GNAO1: variants seen among roughly 807,000 people sequenced by gnomAD.
The protein encoded by GNAO1 is guanine nucleotide-binding protein G(o) subunit alpha.
For synonymous variants in GNAO1, 164 were observed against 180.7 expected (o/e 0.91, Z 0.74); for missense variants, 166 against 478.7 (o/e 0.35, Z 6.10).
intron 2 of GNAO1, among the ~76,000 whole-genome samples, chr16:56,268,446 G>T (rs1402800577): frequency 6.6e-6 from 1 of 152,210 alleles, no homozygotes; most frequent in Non-Finnish European, 1.5e-5. Context: ...ACCCAAATGT[G>T]TCACTCCAGG....
intron 2 of GNAO1, among the ~76,000 whole-genome samples, chr16:56,214,266 C>T (rs2036419446): frequency 6.6e-6 from 1 of 152,134 alleles, no homozygotes; most frequent in African/African-American, 2.4e-5. Flanking sequence ...TCAGCATTAC[C>T]AGACCATGAG....
chr16:56,279,778 A>G (rs1271238367), intron 3 of GNAO1, among the ~76,000 whole-genome samples: 9 of 152,220 alleles, frequency 5.9e-5, no homozygotes, highest in African/African-American at 2.2e-4. Flanking sequence ...CCTTCCCTCC[A>G]GAACAGGGGA....
At chr16:56,298,544 A>C (rs2037310041) in intron 3 of GNAO1, among the ~76,000 whole-genome samples, 1 of 152,202 alleles carries the variant, frequency 6.6e-6, no homozygotes, top group Admixed American at 6.5e-5. Context: ...AAGAATCCAA[A>C]ACATAGCCCA....
At chr16:56,338,883 C>T (rs1234671586) in intron 6 of GNAO1, among the ~76,000 whole-genome samples, 1 of 152,260 alleles carries the variant, frequency 6.6e-6, no homozygotes, top group Non-Finnish European at 1.5e-5. Context: ...GCCCTCCGGT[C>T]TTCTCCACCT....
In GNAO1 at chr16:56,354,794, T is replaced by G; in HGVS notation, c.878-72T>G. On this transcript the variant is annotated intron_variant, in intron 7 of 8. Coordinates refer to ENST00000262493, the MANE Select transcript of GNAO1 (RefSeq NM_020988.3). This position sits in a 1 kb window ranked among gnomAD's most constrained non-coding sequence, Gnocchi z 4.3. ...GACACGCCACAACCCACTTCTTGTC[T>G]TCATGTCCCCAGCCCTGTCCACCCA... is the stretch of plus-strand genomic sequence containing the variant. 1 of 922,148 alleles carries G rather than the reference T, an allele frequency of 1.1e-6. No homozygotes were observed. The highest frequency in any genetic ancestry group is 1.7e-6 in the Non-Finnish European group (1 of 577,642). 57.1% of individuals were successfully genotyped at this position (922,148 alleles called of 1,614,324 possible).
At chr16:56,262,369 A>AAAGGACAATG (rs1264125723) in intron 2 of GNAO1, among the ~76,000 whole-genome samples, 2 of 152,228 alleles carry the variant, frequency 1.3e-5, no homozygotes, top group Admixed American at 6.5e-5. Context: ...CTGGTGTCAG[A>AAAGGACAATG]AAGGACAATG....
At chr16:56,318,728 A>T (rs1226567269) in intron 3 of GNAO1, among the ~76,000 whole-genome samples, 1 of 152,248 alleles carries the variant, frequency 6.6e-6, no homozygotes, top group Non-Finnish European at 1.5e-5. Flanking sequence ...ATTGTTATCA[A>T]GATTATCATG....
chr16:56,246,366 G>A (rs1170964305), intron 2 of GNAO1, among the ~76,000 whole-genome samples: 2 of 152,114 alleles, frequency 1.3e-5, no homozygotes, highest in Non-Finnish European at 2.9e-5. Flanking sequence ...CTTTTCCTGG[G>A]AATGTCTGTT....
intron 3 of GNAO1, among the ~76,000 whole-genome samples, chr16:56,287,008 C>A (rs1299578450): frequency 3.3e-5 from 5 of 152,214 alleles, no homozygotes; most frequent in Non-Finnish European, 7.3e-5. Context: ...CAGGCTGAGT[C>A]CACTGCAGCA....
chr16:56,345,296 G>A, intron 6 of GNAO1: 33 of 985,444 alleles, frequency 3.3e-5, no homozygotes, highest in Non-Finnish European at 4.0e-5. Flanking sequence ...ACCTAGATGT[G>A]CCATGGGAGG....
At chr16:56,259,969 A>C (rs1235211208) in intron 2 of GNAO1, among the ~76,000 whole-genome samples, 1 of 152,178 alleles carries the variant, frequency 6.6e-6, no homozygotes, top group Non-Finnish European at 1.5e-5. Flanking sequence ...TAAAGTGGAG[A>C]GCTCTTGAGA....
At chr16:56,287,868 A>C (rs1385215571) in intron 3 of GNAO1, among the ~76,000 whole-genome samples, 2 of 152,158 alleles carry the variant, frequency 1.3e-5, no homozygotes, top group Non-Finnish European at 2.9e-5. Context: ...AGGAGAGAGC[A>C]GGAGAGATCA....
rs1273245214 is a variant in GNAO1 at position 56,260,451 on chromosome 16, G to A, written c.162-15480G>A. 3.3e-5 allele frequency among the ~76,000 whole-genome samples: 5 copies of A among 152,260 alleles called. No individual in the cohort carries two copies. In the East Asian group the frequency reaches 9.7e-4, roughly 29 times the overall value. ...CTGCCGGCTGCTGGGCCAGAAGCAG[G>A]CCTTTGTCTCAGAGAGACCCAGAGA... On this transcript the variant is annotated intron_variant, in intron 2 of 8. Transcript: ENST00000262493.
At chr16:56,290,593 A>G (rs868397853) in intron 3 of GNAO1, among the ~76,000 whole-genome samples, 11 of 152,096 alleles carry the variant, frequency 7.2e-5, no homozygotes, top group South Asian at 4.1e-4. Context: ...GCAGGCCTCA[A>G]TTTTTTCACC....
intron 2 of GNAO1, among the ~76,000 whole-genome samples, chr16:56,201,413 G>A (rs1399619771): frequency 6.6e-6 from 1 of 152,196 alleles, no homozygotes; most frequent in Non-Finnish European, 1.5e-5. Context: ...GTTAAGAAAT[G>A]AGGAATGAAA....
chr16:56,201,310 G>A (rs1290101012), intron 2 of GNAO1, among the ~76,000 whole-genome samples: 3 of 152,192 alleles, frequency 2.0e-5, no homozygotes, highest in African/African-American at 7.2e-5. Context: ...CAGAGGGACT[G>A]GCATGTGTAA....
At chr16:56,317,797 A>G (rs2037527078) in intron 3 of GNAO1, among the ~76,000 whole-genome samples, 1 of 152,146 alleles carries the variant, frequency 6.6e-6, no homozygotes, top group African/African-American at 2.4e-5. Flanking sequence ...GGAAAGCAAG[A>G]TTAGAGATGG....
intron 3 of GNAO1, among the ~76,000 whole-genome samples, chr16:56,297,275 T>A (rs2037296025): frequency 6.6e-6 from 1 of 151,998 alleles, no homozygotes; most frequent in South Asian, 2.1e-4. Flanking sequence ...CACAGAACAC[T>A]CACGCCCTGC....
chr16:56,334,150 A>G (rs2037717965), intron 4 of GNAO1, among the ~76,000 whole-genome samples: 1 of 152,212 alleles, frequency 6.6e-6, no homozygotes, highest in Non-Finnish European at 1.5e-5. Flanking sequence ...CTGAGCCTCC[A>G]AGAGCATCAA....
Sources: gnomAD v4.1 joint callset for allele counts (sites outside exome capture counted in the v4.1 genomes callset) on GRCh38, gnomAD v4.1.1 for gene constraint, Gnocchi (gnomAD v3.1) non-coding constraint, MANE v1.5 for transcripts, NCBI Gene and HGNC (gene_info 2026-07-23, HGNC 2026-07-21) for gene names.